RBM27: variants seen among roughly 807,000 people sequenced by gnomAD.
RBM27 encodes RNA-binding protein 27.
A neutral mutation model predicts 135.3 loss-of-function variants in RBM27; 22 were observed. The ratio of observed to expected loss-of-function variants is 0.16; its 90% confidence interval spans 0.12 to 0.23. The LOEUF (loss-of-function observed/expected upper bound fraction) is 0.23. Among genes scored for constraint, RBM27 ranks in the 10% least tolerant of loss-of-function variants. The probability of loss-of-function intolerance (pLI) is 1.00; values close to 1 mark genes in which losing one functional copy is unlikely to be tolerated. For synonymous variants in RBM27, 481 were observed against 442.4 expected (o/e 1.09, Z -1.10); for missense variants, 1,009 against 1,281.0 (o/e 0.79, Z 3.24).
chr5:146,205,181 C>T (rs1197600659), intron 1 of RBM27, among the ~76,000 whole-genome samples: 1 of 152,134 alleles, frequency 6.6e-6, no homozygotes, highest in African/African-American at 2.4e-5. Flanking sequence ...TACAGGCGTG[C>T]GCCACTGGAC....
intron 19 of RBM27, among the ~76,000 whole-genome samples, chr5:146,273,530 T>C (rs1042871810): frequency 6.6e-6 from 1 of 152,074 alleles, no homozygotes; most frequent in African/African-American, 2.4e-5. Context: ...TAGCATACTA[T>C]CAGAAAGGGT....
At chr5:146,214,246 C>A (rs1756096333) in intron 1 of RBM27, among the ~76,000 whole-genome samples, 2 of 152,120 alleles carry the variant, frequency 1.3e-5, no homozygotes, top group South Asian at 4.1e-4. Context: ...ATAAAAGTCC[C>A]TTTTTGTCTA....
At chr5:146,208,938 T>C (rs2126671516) in intron 1 of RBM27, among the ~76,000 whole-genome samples, 1 of 152,310 alleles carries the variant, frequency 6.6e-6, no homozygotes, top group South Asian at 2.1e-4. Context: ...AAAAGCATGG[T>C]GGGATTTGTA....
At chr5:146,253,392 GATA>G (rs1266485185) in intron 9 of RBM27, among the ~76,000 whole-genome samples, 1 of 152,088 alleles carries the variant, frequency 6.6e-6, no homozygotes, top group African/African-American at 2.4e-5. Flanking sequence ...ATGTCATTGT[GATA>G]ATAATTTATT....
In RBM27 at chr5:146,233,504, C is replaced by T; in HGVS notation, c.905C>T (p.Pro302Leu). The T allele has an allele frequency of 6.2e-7, 1 of 1,607,812 alleles. No individual in the cohort carries two copies. Among genetic ancestry groups the T allele is most frequent in the Non-Finnish European group, 8.5e-7 (1 of 1,177,714 alleles). ...DLCQFDHGND[P>L]LVVDEVALPS... ...TGTCAGTTTGATCATGGAAATGATC[C>T]CCTAGTTGTTGATGAAGTTGCTCTG... The change falls in exon 7 of 21, where the codon CCC becomes CTC. Residue 302 changes from proline to leucine, a missense_variant. Around this residue, in one of 6 missense-constraint regions of RBM27, gnomAD observed 16 missense variants for 46.1 expected, o/e 0.35. Coordinates refer to ENST00000265271, the MANE Select transcript of RBM27 (RefSeq NM_018989.2).
chr5:146,257,040 C>T (rs1014851319), intron 10 of RBM27, among the ~76,000 whole-genome samples: 2 of 152,186 alleles, frequency 1.3e-5, no homozygotes, highest in South Asian at 4.1e-4. Context: ...ACACAAGTCC[C>T]GCAAGAGCAA....
intron 8 of RBM27, among the ~76,000 whole-genome samples, chr5:146,241,948 T>A (rs1380892808): frequency 6.6e-6 from 1 of 152,162 alleles, no homozygotes; most frequent in African/African-American, 2.4e-5. Context: ...TTTAAAAATT[T>A]ATTTAAAAGT....
At position 146,203,628 on chromosome 5, in the gene RBM27, G is replaced by C. The variant is rs1420337374; in HGVS notation, c.-138G>C. 3 of 745,294 alleles carry C rather than the reference G, an allele frequency of 4.0e-6. No homozygotes were observed. Among genetic ancestry groups the C allele is most frequent in the Non-Finnish European group, 6.7e-6 (3 of 445,432 alleles). 46.2% of individuals were successfully genotyped at this position (745,294 alleles called of 1,614,324 possible). On this transcript the variant is annotated 5_prime_UTR_variant, in exon 1 of 21. Transcript: ENST00000265271. ...TTAGTTCCTGTTAGGCCCCGGCCGG[G>C]GGAGTAGGTTGAAGTCTCCTAAGAT... is the stretch of plus-strand genomic sequence containing the variant.
chr5:146,235,773 G>T (rs150205285), intron 7 of RBM27, among the ~76,000 whole-genome samples: 76 of 151,648 alleles, frequency 5.0e-4, no homozygotes, highest in African/African-American at 1.7e-3. Context: ...TGCAACCTCC[G>T]CCTCCCAGGC....
At chr5:146,259,055 C>T (rs898842538) in intron 11 of RBM27, among the ~76,000 whole-genome samples, 1 of 151,932 alleles carries the variant, frequency 6.6e-6, no homozygotes, top group Non-Finnish European at 1.5e-5. Context: ...GCTACCACAT[C>T]CAGCCCAAAA....
chr5:146,273,119 G>A (rs1315223297), intron 19 of RBM27, among the ~76,000 whole-genome samples: 1 of 152,196 alleles, frequency 6.6e-6, no homozygotes, highest in Non-Finnish European at 1.5e-5. Flanking sequence ...ACCAGTACCA[G>A]TTCTGGTGAG....
chr5:146,286,135 C>G lies in RBM27; in HGVS notation c.*105C>G. The G allele has an allele frequency of 1.2e-6, 1 of 865,496 alleles. No individual in the cohort carries two copies. Among genetic ancestry groups the G allele is most frequent in the East Asian group, 2.7e-5 (1 of 37,100 alleles). The allele number at this position is 865,496 out of a possible 1,614,324, so 53.6% of individuals were successfully genotyped here. A position where few individuals can be genotyped will look rare whatever the true frequency, so the allele number is the denominator to read the frequency against. Reference sequence around the variant, plus strand: ...AGCCAAAAAAAATTTTTTTATTTTTCTTTTCAACACAGTAGGTTCAAGAAC... The same window carrying G: ...AGCCAAAAAAAATTTTTTTATTTTTGTTTTCAACACAGTAGGTTCAAGAAC... On this transcript the variant is annotated 3_prime_UTR_variant, in exon 21 of 21. Coordinates refer to ENST00000265271, the MANE Select transcript of RBM27 (RefSeq NM_018989.2).
chr5:146,218,353 C>G (rs770138636), intron 1 of RBM27, among the ~76,000 whole-genome samples: 1 of 152,160 alleles, frequency 6.6e-6, no homozygotes, highest in Non-Finnish European at 1.5e-5. Flanking sequence ...CTCTGCTGTC[C>G]TTTCACCACT....
chr5:146,226,728 T>C (rs1345574270), intron 3 of RBM27, among the ~76,000 whole-genome samples: 1 of 152,178 alleles, frequency 6.6e-6, no homozygotes, highest in East Asian at 1.9e-4. Context: ...AAAACTGTTA[T>C]ACTATCTTGT....
intron 1 of RBM27, among the ~76,000 whole-genome samples, chr5:146,212,869 G>T (rs961095477): frequency 6.6e-6 from 1 of 151,444 alleles, no homozygotes; most frequent in Non-Finnish European, 1.5e-5. Flanking sequence ...ACCCACTACC[G>T]TGCCCAGCTA....
chr5:146,269,392 G>T, intron 16 of RBM27, 28 bp from the exon 17 acceptor site: 2 of 1,515,604 alleles, frequency 1.3e-6, no homozygotes, highest in Non-Finnish European at 1.8e-6. Flanking sequence ...ATTAAGCATG[G>T]TTTTACCTTT....
At chr5:146,261,833 G>A in intron 13 of RBM27, 27 bp downstream of exon 13, 2 of 1,612,310 alleles carry the variant, frequency 1.2e-6, no homozygotes, top group South Asian at 1.1e-5. Context: ...GGAATTAAAG[G>A]TCTTTTAGTT....
intron 10 of RBM27, among the ~76,000 whole-genome samples, chr5:146,257,790 T>C (rs1758175453): frequency 2.0e-5 from 3 of 152,144 alleles, no homozygotes; most frequent in Non-Finnish European, 4.4e-5. Flanking sequence ...TGATCATTGT[T>C]GGAGCTCTCC....
intron 3 of RBM27, among the ~76,000 whole-genome samples, chr5:146,226,927 A>C (rs1756704936): frequency 1.3e-5 from 2 of 152,374 alleles, no homozygotes; most frequent in South Asian, 2.1e-4. Flanking sequence ...AATTGTTTAT[A>C]GTATTTCTGT....
Sources: gnomAD v4.1 joint callset for allele counts (sites outside exome capture counted in the v4.1 genomes callset) on GRCh38, gnomAD v4.1.1 for gene constraint, gnomAD v4.1.1 regional missense constraint, MANE v1.5 for transcripts, NCBI Gene and HGNC (gene_info 2026-07-23, HGNC 2026-07-21) for gene names.